The following RPS6KA2 variants were observed in gnomAD, a reference collection of about 807,000 sequenced individuals.
RPS6KA2 encodes ribosomal protein S6 kinase alpha-2.
Under a neutral mutation model 91.8 loss-of-function variants are expected in RPS6KA2, and 42 were observed. The observed-to-expected ratio is 0.46, with a 90% CI of 0.36 to 0.59. The LOEUF (loss-of-function observed/expected upper bound fraction) is 0.59, where lower values mean the gene tolerates loss of function less well. RPS6KA2 is among the 20% of genes least tolerant of loss of function. The probability of loss-of-function intolerance (pLI) is 0.00; values close to 1 mark genes in which losing one functional copy is unlikely to be tolerated. For synonymous variants in RPS6KA2, 414 were observed against 393.6 expected, an observed-to-expected ratio of 1.05 and a Z score of -0.61; for missense variants, 798 against 978.5, an observed-to-expected ratio of 0.82 and a Z score of 2.46.
chr6:166,509,071 T>C (rs1782370491), intron 4 of RPS6KA2, among the ~76,000 whole-genome samples: 1 of 152,230 alleles, frequency 6.6e-6, no homozygotes, highest in Admixed American at 6.5e-5. Context: ...TATCCCTGCA[T>C]ACTAGAAAAC....
At chr6:166,621,612 G>A (rs777259257) in intron 1 of RPS6KA2, among the ~76,000 whole-genome samples, 4 of 152,142 alleles carry the variant, frequency 2.6e-5, no homozygotes, top group Non-Finnish European at 4.4e-5. Context: ...TAAAAGCAGA[G>A]CATTCTAGAG....
intron 2 of RPS6KA2, among the ~76,000 whole-genome samples, chr6:166,695,909 A>G (rs1789346855): frequency 6.6e-6 from 1 of 152,198 alleles, no homozygotes; most frequent in Non-Finnish European, 1.5e-5. Context: ...TCACAGGAGC[A>G]CTAGATTCTC....
chr6:166,723,228 C>A (rs752005264), intron 2 of RPS6KA2, among the ~76,000 whole-genome samples: 22 of 152,248 alleles, frequency 1.4e-4, no homozygotes, highest in Non-Finnish European at 3.1e-4. Flanking sequence ...CAGTGCCCAG[C>A]CTCTTGCTCA....
chr6:166,684,349 C>T (rs1456352298), intron 2 of RPS6KA2, among the ~76,000 whole-genome samples: 2 of 152,230 alleles, frequency 1.3e-5, no homozygotes, highest in Non-Finnish European at 2.9e-5. Context: ...CCTTAATCTA[C>T]ATGTAATTTA....
At chr6:166,443,620 C>T (rs181545520) in intron 14 of RPS6KA2, among the ~76,000 whole-genome samples, 56 of 152,304 alleles carry the variant, frequency 3.7e-4, no homozygotes, top group Non-Finnish European at 6.3e-4. Flanking sequence ...GAAATTCTTA[C>T]GGTAGTGCCA....
chr6:166,808,155 G>C (rs773313579), intron 2 of RPS6KA2, among the ~76,000 whole-genome samples: 1 of 152,192 alleles, frequency 6.6e-6, no homozygotes, highest in African/African-American at 2.4e-5. Context: ...CCCTGGACCG[G>C]GCTGGGACAG....
At chr6:166,604,636 G>C (rs185068265) in intron 1 of RPS6KA2, among the ~76,000 whole-genome samples, 1 of 152,204 alleles carries the variant, frequency 6.6e-6, no homozygotes, top group African/African-American at 2.4e-5. Flanking sequence ...TCATGGGCTT[G>C]CTGTAAGAAG....
rs150237818 is a variant in RPS6KA2 at position 166,546,079 on chromosome 6, G to A, written c.100-7295C>T. Reference sequence around the variant, plus strand: ...GTGTCTGACACGGTGTTTTAGGTATGGCTCCGTGACCCCTTCCACTTCATC... The same window carrying A: ...GTGTCTGACACGGTGTTTTAGGTATAGCTCCGTGACCCCTTCCACTTCATC... On this transcript the variant is annotated intron_variant, in intron 1 of 20. Transcript: ENST00000265678. Among the ~76,000 whole-genome samples, 106 of 152,264 alleles carry A rather than the reference G, an allele frequency of 7.0e-4. No individual in the cohort carries two copies. In the East Asian group the frequency reaches 9.8e-3, roughly 14 times the overall value.
chr6:166,486,953 C>T (rs530493646), intron 10 of RPS6KA2, among the ~76,000 whole-genome samples: 1 of 152,222 alleles, frequency 6.6e-6, no homozygotes. Context: ...CGGTGCAGAG[C>T]CGTGGCCGAG....
intron 1 of RPS6KA2, among the ~76,000 whole-genome samples, chr6:166,599,409 A>G (rs1342567728): frequency 6.6e-6 from 1 of 152,220 alleles, no homozygotes; most frequent in African/African-American, 2.4e-5. Flanking sequence ...TATACACCGA[A>G]TAAAATGAAG....
rs777863253 is a variant in RPS6KA2, at chr6:166,437,474, G to T, written c.1333-4984C>A. The stretch of plus-strand genomic sequence containing the variant: ...GTAGGAGTGGTGTCGTGGGGCGGGG[G>T]ACAAGCTCGCTCAGCTTTCTTTTTC... On this transcript the variant is annotated intron_variant, in intron 14 of 20. Coordinates refer to ENST00000265678, the MANE Select transcript of RPS6KA2 (RefSeq NM_021135.6). The surrounding 1 kb of genome is among the most constrained non-coding windows in gnomAD (Gnocchi z 4.3). 2.6e-5 allele frequency among the ~76,000 whole-genome samples: 4 copies of T among 152,298 alleles called. No individual in the cohort carries two copies. The highest frequency in any genetic ancestry group is 1.9e-4 in the East Asian group (1 of 5,190).
chr6:166,607,500 G>C (rs1383093320), intron 1 of RPS6KA2, among the ~76,000 whole-genome samples: 23 of 152,180 alleles, frequency 1.5e-4, no homozygotes, highest in Admixed American at 1.4e-3. Flanking sequence ...GAATACATGA[G>C]GCTAAGTGAA....
At chr6:166,814,599 G>A (rs113423370) in intron 2 of RPS6KA2, among the ~76,000 whole-genome samples, 3 of 152,300 alleles carry the variant, frequency 2.0e-5, no homozygotes, top group South Asian at 2.1e-4. Flanking sequence ...GTCAGTGGCA[G>A]CATTAGATTT....
At chr6:166,475,979 C>T (rs1780958795) in intron 10 of RPS6KA2, 5 of 376,408 alleles carry the variant, frequency 1.3e-5, no homozygotes, top group South Asian at 1.1e-4. Context: ...AATTTGTATG[C>T]TGAAGCCCTA....
chr6:166,649,351 C>A (rs1787778788), intron 2 of RPS6KA2, among the ~76,000 whole-genome samples: 2 of 152,192 alleles, frequency 1.3e-5, no homozygotes, highest in Admixed American at 1.3e-4. Flanking sequence ...AAACTTATTT[C>A]TCCTGTGAAA....
At chr6:166,498,820 A>AGTGCCCGAAGCCCGCCG (rs1781898799) in intron 7 of RPS6KA2, among the ~76,000 whole-genome samples, 170 bp from the exon 8 acceptor site, 1 of 152,186 alleles carries the variant, frequency 6.6e-6, no homozygotes, top group Non-Finnish European at 1.5e-5. Flanking sequence ...GAAGCCCGTC[A>AGTGCCCGAAGCCCGCCG]GTGCCCGAAG....
At chr6:166,720,451 A>C (rs1307640293) in intron 2 of RPS6KA2, among the ~76,000 whole-genome samples, 1 of 152,180 alleles carries the variant, frequency 6.6e-6, no homozygotes, top group Non-Finnish European at 1.5e-5. Flanking sequence ...CTTTTCCCCA[A>C]AGGAACCCAG....
At chr6:166,657,897 T>A (rs1788047829) in intron 2 of RPS6KA2, among the ~76,000 whole-genome samples, 1 of 152,198 alleles carries the variant, frequency 6.6e-6, no homozygotes, top group Non-Finnish European at 1.5e-5. Flanking sequence ...TTTCTTTCTT[T>A]TTTTGAGACG....
chr6:166,513,864 C>T (rs527501114), intron 3 of RPS6KA2, among the ~76,000 whole-genome samples: 1 of 152,332 alleles, frequency 6.6e-6, no homozygotes, highest in Admixed American at 6.5e-5. Flanking sequence ...AGAGTAATGA[C>T]CCCGGAGTTT....
Sources: allele counts gnomAD v4.1 joint callset (sites outside exome capture counted in the v4.1 genomes callset), GRCh38; gene constraint gnomAD v4.1.1; non-coding constraint Gnocchi (gnomAD v3.1); transcripts MANE v1.5; gene names NCBI Gene and HGNC (gene_info 2026-07-23, HGNC 2026-07-21).